Variants in TRABD2B observed in about 807,000 individuals in gnomAD.
TRABD2B encodes the protein metalloprotease TIKI2.
Under a neutral mutation model 40.1 loss-of-function variants are expected in TRABD2B, and 14 were observed. The observed-to-expected ratio is 0.35, with a 90% CI of 0.23 to 0.55. The LOEUF (loss-of-function observed/expected upper bound fraction) is 0.55. Ranked by LOEUF, TRABD2B falls within the 20% of genes least tolerant of loss-of-function variation. TRABD2B has a pLI of 0.90. For missense variants in TRABD2B, 541 were observed against 648.6 expected (o/e 0.83, Z 1.80); for synonymous variants, 263 against 277.0 (o/e 0.95, Z 0.50).
In TRABD2B at chr1:47,996,585, G is replaced by A. The variant is rs1570438640; in HGVS notation, c.102+103C>T. ...GCTGCGCCCGGGGGGTGGAGGTGGA[G>A]CGGGCGGGCTAAGGTGGGTGCGGAA... On this transcript the variant is annotated intron_variant, in intron 1 of 6. Coordinates refer to ENST00000606738, the MANE Select transcript of TRABD2B (RefSeq NM_001194986.2). This position sits in a 1 kb window ranked among gnomAD's most constrained non-coding sequence, Gnocchi z 4.6. 8.6e-7 allele frequency: 1 copy of A among 1,156,546 alleles called. No homozygotes were observed. The allele number at this position is 1,156,546 out of a possible 1,614,324, so 71.6% of individuals were successfully genotyped here.
chr1:47,809,230 T>C (rs983086894), intron 2 of TRABD2B, among the ~76,000 whole-genome samples: 1 of 152,096 alleles, frequency 6.6e-6, no homozygotes, highest in African/African-American at 2.4e-5. Flanking sequence ...GGCCAGGTAC[T>C]CCCCATTTTA....
chr1:47,876,716 G>A (rs536854172), intron 2 of TRABD2B, among the ~76,000 whole-genome samples: 12 of 152,366 alleles, frequency 7.9e-5, no homozygotes, highest in African/African-American at 2.9e-4. Context: ...GAGGGGTTCC[G>A]GGAGGGAGTG....
intron 2 of TRABD2B, among the ~76,000 whole-genome samples, chr1:47,914,435 G>A (rs920986408): frequency 1.3e-5 from 2 of 152,210 alleles, no homozygotes; most frequent in Non-Finnish European, 2.9e-5. Flanking sequence ...TGGGAAGAGC[G>A]GGGAGCTCCT....
chr1:47,914,182 G>A (rs981552196), intron 2 of TRABD2B, among the ~76,000 whole-genome samples: 5 of 152,230 alleles, frequency 3.3e-5, no homozygotes, highest in Admixed American at 6.5e-5. Context: ...GGCAGGTGAC[G>A]TCGTGAGCCC....
intron 2 of TRABD2B, among the ~76,000 whole-genome samples, chr1:47,867,249 T>G (rs1179279498): frequency 6.6e-6 from 1 of 152,134 alleles, no homozygotes; most frequent in Non-Finnish European, 1.5e-5. Context: ...TATCTATATC[T>G]TTTTCTACAA....
In TRABD2B at chr1:47,994,268, C is replaced by T. The variant is rs571711602; in HGVS notation, c.432G>A (p.Gly144=). The part of the protein sequence containing the change: ...SWMTPAQRGK[G]LYADYLFNAI... ...CATTGAATAGGTAGTCAGCATAGAGCCCCTTGCCCCGCTGAGCGGGCGTCA... is the reference window on the plus strand; with the variant it reads ...CATTGAATAGGTAGTCAGCATAGAGTCCCTTGCCCCGCTGAGCGGGCGTCA... The change falls in exon 2 of 7, where the codon GGG becomes GGA. Residue 144 remains glycine, a synonymous_variant. Coordinates refer to ENST00000606738, the MANE Select transcript of TRABD2B (RefSeq NM_001194986.2). This position sits in a 1 kb window ranked among gnomAD's most constrained non-coding sequence, Gnocchi z 6.7. 396 of 1,537,208 alleles carry T rather than the reference C, an allele frequency of 2.6e-4. 1 individual carries two copies. The African/African-American group carries it at 4.9e-3, about 19-fold the overall frequency.
At position 47,762,005 on chromosome 1, in the gene TRABD2B, C is replaced by A. The variant is rs1300513126; in HGVS notation, c.*3897G>T. 1.1e-4 allele frequency: 17 copies of A among 152,070 alleles called. No homozygotes were observed. Among genetic ancestry groups the A allele is most frequent in the Admixed American group, 1.1e-3 (17 of 15,270 alleles). The allele number at this position is 152,070 out of a possible 1,614,324, so 9.4% of individuals were successfully genotyped here. ...GCTCACAGTCCGAGAGGAGCAGATA[C>A]ACACTAGATAGTCACAACACTGGGC... On this transcript the variant is annotated 3_prime_UTR_variant, in exon 7 of 7. Coordinates refer to ENST00000606738, the MANE Select transcript of TRABD2B (RefSeq NM_001194986.2).
intron 2 of TRABD2B, among the ~76,000 whole-genome samples, chr1:47,822,215 C>T (rs1337156977): frequency 1.3e-5 from 2 of 152,140 alleles, no homozygotes; most frequent in Non-Finnish European, 2.9e-5. Flanking sequence ...CCCCCGAGGC[C>T]TGACCGATCC....
chr1:47,957,385 T>C (rs58886748), intron 2 of TRABD2B, among the ~76,000 whole-genome samples: 3,568 of 152,178 alleles, frequency 0.023, 110 homozygotes, highest in Admixed American at 0.09. Flanking sequence ...GAGAAGAAGG[T>C]GTCAGATGAT....
chr1:47,768,969 A>G (rs900600395), intron 6 of TRABD2B, among the ~76,000 whole-genome samples: 84 of 152,306 alleles, frequency 5.5e-4, no homozygotes, highest in African/African-American at 2.0e-3. Flanking sequence ...CCCTGAATGA[A>G]CAGATGAGCA....
At chr1:47,814,308 G>A (rs1645002346) in intron 2 of TRABD2B, among the ~76,000 whole-genome samples, 1 of 152,218 alleles carries the variant, frequency 6.6e-6, no homozygotes, top group Non-Finnish European at 1.5e-5. Context: ...TACGGACAAT[G>A]GGATGCCACT....
At chr1:47,814,746 T>G (rs1645008070) in intron 2 of TRABD2B, among the ~76,000 whole-genome samples, 1 of 152,196 alleles carries the variant, frequency 6.6e-6, no homozygotes, top group Admixed American at 6.5e-5. Flanking sequence ...CGCCTGGGAC[T>G]CTGTGGTGCT....
chr1:47,830,694 T>C (rs952655224), intron 2 of TRABD2B, among the ~76,000 whole-genome samples: 6 of 152,240 alleles, frequency 3.9e-5, no homozygotes, highest in African/African-American at 1.4e-4. Context: ...ATCTCTTTTT[T>C]ATTTTCTTTC....
chr1:47,923,796 T>C (rs573029374), intron 2 of TRABD2B, among the ~76,000 whole-genome samples: 1 of 152,184 alleles, frequency 6.6e-6, no homozygotes, highest in Non-Finnish European at 1.5e-5. Flanking sequence ...CTTGGACTCT[T>C]CCCTAGGTCT....
At chr1:47,766,135 C>A in intron 6 of TRABD2B, 29 bp from the exon 7 acceptor site, 1 of 701,146 alleles carries the variant, frequency 1.4e-6, no homozygotes, top group South Asian at 1.5e-5. Flanking sequence ...ATGGCAGAGT[C>A]ACCATCGGCA....
intron 2 of TRABD2B, among the ~76,000 whole-genome samples, chr1:47,922,677 C>G (rs1303225951): frequency 6.6e-6 from 1 of 152,186 alleles, no homozygotes; most frequent in Non-Finnish European, 1.5e-5. Context: ...CAGATCCGAT[C>G]ACACACAATG....
At chr1:47,880,945 G>A (rs539313965) in intron 2 of TRABD2B, among the ~76,000 whole-genome samples, 16 of 152,310 alleles carry the variant, frequency 1.1e-4, no homozygotes, top group East Asian at 5.8e-4. Context: ...GCAATCCAGC[G>A]GGGAGGAGTG....
intron 3 of TRABD2B, among the ~76,000 whole-genome samples, chr1:47,799,214 G>C (rs1035292191): frequency 6.6e-6 from 1 of 152,148 alleles, no homozygotes; most frequent in Non-Finnish European, 1.5e-5. Context: ...GCACACTCCC[G>C]CCCTCCTGGC....
At chr1:47,911,459 A>T (rs1362259730) in intron 2 of TRABD2B, among the ~76,000 whole-genome samples, 1 of 152,222 alleles carries the variant, frequency 6.6e-6, no homozygotes, top group Non-Finnish European at 1.5e-5. Context: ...GCAGCAAGTG[A>T]CTTTCTCCTT....
Sources: allele counts gnomAD v4.1 joint callset (sites outside exome capture counted in the v4.1 genomes callset), GRCh38; gene constraint gnomAD v4.1.1; non-coding constraint Gnocchi (gnomAD v3.1); transcripts MANE v1.5; gene names NCBI Gene and HGNC (gene_info 2026-07-23, HGNC 2026-07-21).